Variants in CENPE observed in about 807,000 individuals in gnomAD.
CENPE encodes the protein centromere-associated protein E.
CENPE carries 145 observed loss-of-function variants against 336.1 expected under a neutral mutation model. That is an observed-to-expected ratio of 0.43 (90% CI 0.38 to 0.50). The LOEUF (loss-of-function observed/expected upper bound fraction) is 0.50. Ranked by LOEUF, CENPE falls within the 20% of genes least tolerant of loss-of-function variation. CENPE has a pLI of 0.00. For synonymous variants in CENPE, 1,013 were observed against 984.8 expected (o/e 1.03, Z -0.54); for missense variants, 2,719 against 3,023.3 (o/e 0.90, Z 2.36).
Position 103,174,746 on chromosome 4 carries a change from T to A in CENPE, c.1637A>T (p.Lys546Ile), listed in dbSNP as rs757766366. The A allele has an allele frequency of 6.6e-7, 1 of 1,522,944 alleles. No homozygotes were observed. Among genetic ancestry groups the A allele is most frequent in the Non-Finnish European group, 8.8e-7 (1 of 1,137,368 alleles). The allele number at this position is 1,522,944 out of a possible 1,614,324, so 94.3% of individuals were successfully genotyped here. The part of the protein sequence containing the change: ...EFEALERKTK[K>I]DQEMQLIHEI... Reference sequence around the variant, plus strand: ...TTCTGTCTCTCTTACCTCTTGATCTTTTTTAGTTTTTCTTTCTAGAGCCTC... The same window carrying A: ...TTCTGTCTCTCTTACCTCTTGATCTATTTTAGTTTTTCTTTCTAGAGCCTC... Residue 546 changes from lysine to isoleucine, a missense_variant, in exon 16 of 49, where the codon AAA becomes ATA. By Grantham distance (102) the Lys-to-Ile change is moderately radical. This residue lies in a region of CENPE where 2,437 missense variants were observed against 2,513.3 expected (regional missense o/e 0.97). Transcript: ENST00000265148.
rs191598316 is a variant in CENPE at position 103,153,089 on chromosome 4, T to C, written c.3195A>G (p.Glu1065=). ...TTAGGTCAGTCTTCAATTGTTCCTT[T>C]TCTGCTATAACACTCTCTAACATTT... is the stretch of plus-strand genomic sequence containing the variant. ...LQQMLESVIA[E]KEQLKTDLKE... The change falls in exon 25 of 49, where the codon GAA becomes GAG. Residue 1065 remains glutamate (E), a synonymous_variant. Coordinates refer to ENST00000265148, the MANE Select transcript of CENPE (RefSeq NM_001813.3). 5.0e-4 allele frequency: 807 copies of C among 1,613,108 alleles called. No individual in the cohort carries two copies. Among genetic ancestry groups the C allele is most frequent in the Non-Finnish European group, 6.3e-4 (741 of 1,179,512 alleles).
In CENPE at chr4:103,160,686, T is replaced by C; in HGVS notation, c.2225A>G (p.Glu742Gly). Residue 742 changes from glutamate (E) to glycine (G), a missense_variant, in exon 21 of 49, where the codon GAA becomes GGA. Physicochemically the swap from Glu to Gly is moderately conservative, Grantham distance 98. Coordinates refer to ENST00000265148, the MANE Select transcript of CENPE (RefSeq NM_001813.3). ...EVEENEALRE[E>G]VILLSELKSL... ...TTTCAATTCTGAAAGCAAAATGACT[T>C]CTTCCCGCAAAGCTTCATTTTCTTC... The C allele has an allele frequency of 6.2e-7, 1 of 1,611,246 alleles. No homozygotes were observed. Among genetic ancestry groups the C allele is most frequent in the Non-Finnish European group, 8.5e-7 (1 of 1,178,518 alleles).
chr4:103,122,361 G>A (rs1560599236), intron 43 of CENPE, among the ~76,000 whole-genome samples: 1 of 152,054 alleles, frequency 6.6e-6, no homozygotes, highest in Non-Finnish European at 1.5e-5. Context: ...AAGGTAATTT[G>A]GTTATCAAAT....
rs145920834 is a variant in CENPE, at chr4:103,132,207, A to G, written c.6924+486T>C. ...GAGATTGTGTTTGTGGAGATGGGGT[A>G]TAAGAGAACTCTCTGTACTTTCTGC... On this transcript the variant is annotated intron_variant, in intron 42 of 48. Transcript: ENST00000265148. Among the ~76,000 whole-genome samples, 73 of 152,232 alleles carry G rather than the reference A, an allele frequency of 4.8e-4. No homozygotes were observed. In the East Asian group the frequency reaches 0.013, roughly 27 times the overall value.
At position 103,174,786 on chromosome 4, in the gene CENPE, C is replaced by A; in HGVS notation, c.1597G>T (p.Asp533Tyr). The part of the protein sequence containing the change: ...EMELKLKEKN[D>Y]LDEFEALERK... ...TCTAGAGCCTCAAATTCATCCAAAT[C>A]ATTCTTTTCTTTTAATTTCAATTCC... Residue 533 changes from aspartate (D) to tyrosine (Y), a missense_variant, in exon 16 of 49, where the codon GAT becomes TAT. Coordinates refer to ENST00000265148, the MANE Select transcript of CENPE (RefSeq NM_001813.3). 1 of 1,555,406 alleles carries A rather than the reference C, an allele frequency of 6.4e-7. No homozygotes were observed. The highest frequency in any genetic ancestry group is 1.2e-5 in the South Asian group (1 of 82,094).
At chr4:103,129,906 G>A (rs1311541504) in intron 42 of CENPE, among the ~76,000 whole-genome samples, 1 of 152,042 alleles carries the variant, frequency 6.6e-6, no homozygotes, top group Non-Finnish European at 1.5e-5. Context: ...CCATCACATA[G>A]GCTAAAGAAG....
chr4:103,127,892 CAG>C (rs901250115), intron 42 of CENPE, among the ~76,000 whole-genome samples: 3 of 151,916 alleles, frequency 2.0e-5, no homozygotes, highest in African/African-American at 7.2e-5. Flanking sequence ...AAATAGAAAA[CAG>C]AAACAATATG....
chr4:103,194,720 T>C (rs774884525), intron 5 of CENPE, 36 bp from the exon 6 acceptor site: 2 of 1,510,164 alleles, frequency 1.3e-6, no homozygotes, highest in East Asian at 2.3e-5. Context: ...ATTAGAGAAA[T>C]AGAAGTCACA....
chr4:103,157,650 T>C (rs536445659), intron 24 of CENPE, among the ~76,000 whole-genome samples: 16 of 152,060 alleles, frequency 1.1e-4, no homozygotes, highest in African/African-American at 3.6e-4. Flanking sequence ...ATTCTGGAAA[T>C]TGGTTGTATC....
chr4:103,161,472 A>G lies in CENPE; in HGVS notation c.1843-15T>C. ...TCAATGCTTTCCTAGACAGATGACAAAAGGGGTTCACTGAAATCTAATTTT... is the reference window on the plus strand; with the variant it reads ...TCAATGCTTTCCTAGACAGATGACAGAAGGGGTTCACTGAAATCTAATTTT... On this transcript the variant is annotated splice_polypyrimidine_tract_variant and intron_variant, in intron 18 of 48. Transcript: ENST00000265148. 6.4e-7 allele frequency: 1 copy of G among 1,552,372 alleles called. No individual in the cohort carries two copies. The highest frequency in any genetic ancestry group is 1.4e-5 in the African/African-American group (1 of 72,502).
chr4:103,172,211 T>C (rs1000320133), intron 16 of CENPE, among the ~76,000 whole-genome samples: 2 of 151,878 alleles, frequency 1.3e-5, no homozygotes, highest in African/African-American at 4.8e-5. Context: ...CTGAACAAAA[T>C]ACTATAAAAC....
chr4:103,127,262 G>T (rs1751208156), intron 42 of CENPE, among the ~76,000 whole-genome samples: 1 of 151,938 alleles, frequency 6.6e-6, no homozygotes. Context: ...GTGAAGATAA[G>T]AATTACATCT....
At chr4:103,121,859 A>C (rs1435439413) in intron 43 of CENPE, among the ~76,000 whole-genome samples, 1 of 152,074 alleles carries the variant, frequency 6.6e-6, no homozygotes, top group East Asian at 1.9e-4. Context: ...CTGGCCAAGT[A>C]AACCATTTTT....
At position 103,120,327 on chromosome 4, in the gene CENPE, G is replaced by C; in HGVS notation, c.7150C>G (p.Arg2384Gly). 1 of 1,604,542 alleles carries C rather than the reference G, an allele frequency of 6.2e-7. No homozygotes were observed. The part of the protein sequence containing the change: ...RATQLTTEKI[R>G]ELENSLHEAK... The stretch of plus-strand genomic sequence containing the variant: ...TCATGCAGTGAATTTTCCAGCTCTC[G>C]AATTTTCTATTAGAAAAAGCACACA... Residue 2384 changes from arginine (R) to glycine (G), a missense_variant, in exon 44 of 49, where the codon CGA becomes GGA. By Grantham distance (125) the Arg-to-Gly change is moderately radical. Transcript: ENST00000265148.
chr4:103,133,663 A>G, intron 41 of CENPE, 32 bp downstream of exon 41: 1 of 1,418,632 alleles, frequency 7.0e-7, no homozygotes, highest in Non-Finnish European at 9.8e-7. Context: ...AAGGCTTAAA[A>G]TCTAACTAAA....
At chr4:103,119,875 T>G (rs951400454) in intron 44 of CENPE, among the ~76,000 whole-genome samples, 1 of 152,114 alleles carries the variant, frequency 6.6e-6, no homozygotes, top group African/African-American at 2.4e-5. Flanking sequence ...AAGCAATTTT[T>G]GAAAAATGAA....
At chr4:103,185,692 A>G in intron 9 of CENPE, 118 bp downstream of exon 9, 1 of 543,714 alleles carries the variant, frequency 1.8e-6, no homozygotes, top group South Asian at 3.4e-5. Context: ...TTAATGATTC[A>G]TTATTATTAA....
chr4:103,180,350 C>G lies in CENPE; in HGVS notation c.1203G>C (p.Leu401=). The G allele has an allele frequency of 6.2e-7, 1 of 1,612,922 alleles. No individual in the cohort carries two copies. The highest frequency in any genetic ancestry group is 8.5e-7 in the Non-Finnish European group (1 of 1,179,326). The change falls in exon 13 of 49, where the codon CTG becomes CTC. Residue 401 remains leucine, a synonymous_variant. Coordinates refer to ENST00000265148, the MANE Select transcript of CENPE (RefSeq NM_001813.3). The part of the protein sequence containing the change: ...NEKIENLTRM[L]VTSSSLTLQQ... ...GCAACGTGAGGGAAGAAGAGGTCAC[C>G]AGCATCCGTGTTAAGTTTTCAATTT...
chr4:103,166,059 T>C (rs1053454083), intron 16 of CENPE, among the ~76,000 whole-genome samples: 9 of 152,246 alleles, frequency 5.9e-5, no homozygotes, highest in Middle Eastern at 3.4e-3. Flanking sequence ...ATTTTTCTTA[T>C]TAATATATTA....
Sources: gnomAD v4.1 joint callset for allele counts (sites outside exome capture counted in the v4.1 genomes callset) on GRCh38, gnomAD v4.1.1 for gene constraint, gnomAD v4.1.1 regional missense constraint, MANE v1.5 for transcripts, NCBI Gene and HGNC (gene_info 2026-07-23, HGNC 2026-07-21) for gene names.